Variants in CTDP1 observed in about 807,000 individuals in gnomAD.
The protein encoded by CTDP1 is CTD phosphatase 1, also known as RNA polymerase II subunit A C-terminal domain phosphatase.
CTDP1 carries 47 observed loss-of-function variants against 91.8 expected under a neutral mutation model. The ratio of observed to expected loss-of-function variants is 0.51; its 90% confidence interval spans 0.41 to 0.65. The LOEUF is 0.65. CTDP1 is among the 30% of genes least tolerant of loss of function. The probability of loss-of-function intolerance (pLI) is 0.00; values close to 1 mark genes in which losing one functional copy is unlikely to be tolerated. For missense variants in CTDP1, 1,272 were observed against 1,373.7 expected, an observed-to-expected ratio of 0.93 and a Z score of 1.17; for synonymous variants, 656 against 598.5, an observed-to-expected ratio of 1.10 and a Z score of -1.40.
intron 2 of CTDP1, 147 bp downstream of exon 2, chr18:79,695,455 C>A: frequency 1.4e-6 from 1 of 735,786 alleles, no homozygotes; most frequent in Non-Finnish European, 2.4e-6. Flanking sequence ...CCATACGAGT[C>A]ACACTCAATG....
At chr18:79,742,510 T>G (rs1007406406) in intron 12 of CTDP1, among the ~76,000 whole-genome samples, 1 of 152,248 alleles carries the variant, frequency 6.6e-6, no homozygotes, top group South Asian at 2.1e-4. Flanking sequence ...TAAAGGAAGC[T>G]CTTCAGGCTG....
intron 1 of CTDP1, 96 bp from the exon 2 acceptor site, chr18:79,695,129 T>A: frequency 9.2e-7 from 1 of 1,092,796 alleles, no homozygotes; most frequent in Non-Finnish European, 1.4e-6. Flanking sequence ...TAGTGTAGAA[T>A]TGGTACAAAA....
In CTDP1 at chr18:79,713,662, G is replaced by A. The variant is rs534896228; in HGVS notation, c.1030+524G>A. 3.9e-5 allele frequency among the ~76,000 whole-genome samples: 6 copies of A among 152,326 alleles called. No homozygotes were observed. In the South Asian group the frequency reaches 1.2e-3, roughly 32 times the overall value. ...TTAGTTTTTTGAAAAATATTTTGAGGCACACGTTTATTGCTGTAGTCACTA... is the reference window on the plus strand; with the variant it reads ...TTAGTTTTTTGAAAAATATTTTGAGACACACGTTTATTGCTGTAGTCACTA... On this transcript the variant is annotated intron_variant, in intron 7 of 12. Coordinates refer to ENST00000613122, the MANE Select transcript of CTDP1 (RefSeq NM_004715.5). This position sits in a 1 kb window ranked among gnomAD's most constrained non-coding sequence, Gnocchi z 4.7.
chr18:79,679,961 C>A lies in CTDP1; in HGVS notation c.14C>A (p.Ala5Asp), dbSNP rs571765834. 1.9e-4 allele frequency: 259 copies of A among 1,380,830 alleles called. 2 individuals carry two copies. The East Asian group carries it at 7.4e-3, about 39-fold the overall frequency. 85.5% of individuals were successfully genotyped at this position (1,380,830 alleles called of 1,614,324 possible). A position where few individuals can be genotyped will look rare whatever the true frequency, so the allele number is the denominator to read the frequency against. The change falls in exon 1 of 13, where the codon GCC (alanine) becomes GAC (aspartate). Residue 5 changes from alanine (A) to aspartate (D), a missense_variant. Physicochemically the swap from Ala to Asp is moderately radical, Grantham distance 126. Coordinates refer to ENST00000613122, the MANE Select transcript of CTDP1 (RefSeq NM_004715.5). ...CCTCTGTCCGCGATGGAGGTGCCGG[C>A]CGCGGGTCGCGTTCCTGCCGAGGGC... MEVPAAGRVPAEGAP... is the reference protein window; with the variant it reads MEVPDAGRVPAEGAP...
intron 6 of CTDP1, among the ~76,000 whole-genome samples, chr18:79,712,702 GC>G (rs1431666802): frequency 1.3e-5 from 2 of 152,166 alleles, no homozygotes; most frequent in Non-Finnish European, 1.5e-5. Flanking sequence ...CGTCCCCGTG[GC>G]CCGTAATGCC....
chr18:79,726,844 C>T (rs1472203829), intron 10 of CTDP1, among the ~76,000 whole-genome samples: 6 of 110,776 alleles, frequency 5.4e-5, no homozygotes, highest in East Asian at 2.5e-4. Context: ...ATGGGGGTGA[C>T]GCCATTGCTG....
chr18:79,698,884 C>T (rs2085800816), intron 4 of CTDP1, among the ~76,000 whole-genome samples: 1 of 152,170 alleles, frequency 6.6e-6, no homozygotes. Flanking sequence ...GTACCAACAG[C>T]TGGGACAGAT....
At chr18:79,741,155 T>C (rs2086769555) in intron 12 of CTDP1, among the ~76,000 whole-genome samples, 1 of 145,872 alleles carries the variant, frequency 6.9e-6, no homozygotes, top group Non-Finnish European at 1.5e-5. Flanking sequence ...GCGGTTGATC[T>C]GTCCCTGAGC....
At chr18:79,719,737 C>T (rs1258985166) in intron 10 of CTDP1, among the ~76,000 whole-genome samples, 2 of 145,442 alleles carry the variant, frequency 1.4e-5, no homozygotes, top group African/African-American at 5.2e-5. Context: ...ATGTCACCTC[C>T]CATCGTGTCC....
chr18:79,684,004 G>A (rs1460499447), intron 1 of CTDP1, among the ~76,000 whole-genome samples: 2 of 152,250 alleles, frequency 1.3e-5, no homozygotes. Context: ...ATAACGGGAA[G>A]TATCTTTGAA....
Position 79,753,866 on chromosome 18 carries a change from C to T in CTDP1, c.*76C>T. 1.3e-6 allele frequency: 2 copies of T among 1,547,872 alleles called. No individual in the cohort carries two copies. The highest frequency in any genetic ancestry group is 8.8e-7 in the Non-Finnish European group (1 of 1,139,878). On this transcript the variant is annotated 3_prime_UTR_variant, in exon 13 of 13. Transcript: ENST00000613122. ...GGACGTCCCCGGACCAGCCCTCAGTCTCGGTCCACGCTGCTTTCTTCCCAA... is the reference window on the plus strand; with the variant it reads ...GGACGTCCCCGGACCAGCCCTCAGTTTCGGTCCACGCTGCTTTCTTCCCAA...
chr18:79,733,395 C>A (rs990059791), intron 11 of CTDP1, among the ~76,000 whole-genome samples: 3 of 152,170 alleles, frequency 2.0e-5, no homozygotes, highest in Non-Finnish European at 2.9e-5. Context: ...CATGGAACTG[C>A]GGGGAAGGGA....
chr18:79,738,590 C>A (rs1186864292), intron 12 of CTDP1, among the ~76,000 whole-genome samples: 2 of 152,226 alleles, frequency 1.3e-5, no homozygotes, highest in African/African-American at 4.8e-5. Flanking sequence ...TCTGGTCTTA[C>A]TCTTAGGCTC....
intron 10 of CTDP1, among the ~76,000 whole-genome samples, chr18:79,724,323 A>G (rs550958935): frequency 6.6e-5 from 10 of 152,352 alleles, no homozygotes; most frequent in Middle Eastern, 3.4e-3. Flanking sequence ...TCTTTGGGAT[A>G]AATGTCCAGT....
chr18:79,744,125 C>G lies in CTDP1; in HGVS notation c.2747+7604C>G, dbSNP rs1379730680. ...CCATTTGTCTCTTGTCTACCTGTGA[C>G]CTGGAAGTCCCTCCCTGGTTCCAGC... On this transcript the variant is annotated intron_variant, in intron 12 of 12. Transcript: ENST00000613122. Among the ~76,000 whole-genome samples, 7 of 152,292 alleles carry G rather than the reference C, an allele frequency of 4.6e-5. No homozygotes were observed. In the East Asian group the frequency reaches 1.2e-3, roughly 25 times the overall value.
intron 11 of CTDP1, among the ~76,000 whole-genome samples, chr18:79,731,911 C>T (rs143361919): frequency 3.9e-4 from 60 of 152,010 alleles, no homozygotes; most frequent in African/African-American, 1.1e-3. Flanking sequence ...CCCAAAATCA[C>T]GTGAGATGTA....
In CTDP1 at chr18:79,728,259, C is replaced by T. The variant is rs886214729; in HGVS notation, c.2418-648C>T. Among the ~76,000 whole-genome samples, 6 of 152,048 alleles carry T rather than the reference C, an allele frequency of 3.9e-5. No homozygotes were observed. In the South Asian group the frequency reaches 6.2e-4, roughly 16 times the overall value. On this transcript the variant is annotated intron_variant, in intron 10 of 12. Transcript: ENST00000613122. Reference sequence around the variant, plus strand: ...GGATTACAGGCGTGCACCACCACACCGGGCTAATTTTTGTATTTTTAGTAG... The same window carrying T: ...GGATTACAGGCGTGCACCACCACACTGGGCTAATTTTTGTATTTTTAGTAG...
chr18:79,745,247 TGCGC>T (rs1254357818), intron 12 of CTDP1, among the ~76,000 whole-genome samples: 7 of 136,944 alleles, frequency 5.1e-5, no homozygotes, highest in African/African-American at 1.9e-4. Context: ...GTCCCTCCCA[TGCGC>T]GTTCTGTCCC....
At chr18:79,725,861 C>T (rs2086434947) in intron 10 of CTDP1, among the ~76,000 whole-genome samples, 1 of 152,168 alleles carries the variant, frequency 6.6e-6, no homozygotes, top group Admixed American at 6.5e-5. Context: ...CTTCTGGGCT[C>T]CGTGGTTCTG....
Sources: allele counts gnomAD v4.1 joint callset (sites outside exome capture counted in the v4.1 genomes callset), GRCh38; gene constraint gnomAD v4.1.1; non-coding constraint Gnocchi (gnomAD v3.1); transcripts MANE v1.5; gene names NCBI Gene and HGNC (gene_info 2026-07-23, HGNC 2026-07-21).